MBP: variants seen among roughly 807,000 people sequenced by gnomAD.
MBP encodes the protein Golli-MBP.
MBP carries 16 observed loss-of-function variants against 35.8 expected under a neutral mutation model. The ratio of observed to expected loss-of-function variants is 0.45; its 90% confidence interval spans 0.30 to 0.68. MBP has a LOEUF of 0.68. Ranked by LOEUF, MBP falls within the 30% of genes least tolerant of loss-of-function variation. The probability of loss-of-function intolerance (pLI) is 0.08; values close to 1 mark genes in which losing one functional copy is unlikely to be tolerated. For missense variants in MBP, 380 were observed against 404.7 expected (o/e 0.94, Z 0.52); for synonymous variants, 143 against 159.6 (o/e 0.90, Z 0.78).
intron 3 of MBP, among the ~76,000 whole-genome samples, chr18:77,023,852 C>T (rs903380767): frequency 2.6e-5 from 4 of 152,204 alleles, no homozygotes; most frequent in Non-Finnish European, 4.4e-5. Flanking sequence ...CTAATCGCCT[C>T]ATATTTGCTT....
chr18:77,069,459 G>A (rs181672228), intron 2 of MBP, among the ~76,000 whole-genome samples: 13 of 152,244 alleles, frequency 8.5e-5, no homozygotes, highest in Admixed American at 5.2e-4. Flanking sequence ...TTCAGCTACC[G>A]TCGTTATTGA....
Position 77,044,147 on chromosome 18 carries a change from G to A in MBP, c.139+22151C>T, listed in dbSNP as rs138118393. Among the ~76,000 whole-genome samples the A allele has an allele frequency of 1.0e-3, 158 of 152,182 alleles. No individual in the cohort carries two copies. Among genetic ancestry groups the A allele is most frequent in the African/African-American group, 3.6e-3 (149 of 41,496 alleles). Reference sequence around the variant, plus strand: ...CACACTGGGCTGGTCTGCAGAGGTCGAATGCACTCCCTGGTGACTTACACA... The same window carrying A: ...CACACTGGGCTGGTCTGCAGAGGTCAAATGCACTCCCTGGTGACTTACACA... On this transcript the variant is annotated intron_variant, in intron 3 of 8. Transcript: ENST00000355994. The surrounding 1 kb of genome is among the most constrained non-coding windows in gnomAD (Gnocchi z 4.4).
Position 77,058,008 on chromosome 18 carries a change from T to TG in MBP, c.139+8289_139+8290insC, listed in dbSNP as rs1353184519. 2.8e-5 allele frequency among the ~76,000 whole-genome samples: 2 copies of TG among 70,424 alleles called. 1 individual carries two copies. The highest frequency in any genetic ancestry group is 5.1e-5 in the Non-Finnish European group (2 of 39,440). The allele number at this position is 70,424 out of a possible 152,430, so 46.2% of individuals were successfully genotyped here. On this transcript the variant is annotated intron_variant, in intron 3 of 8. Coordinates refer to ENST00000355994, the MANE Select transcript of MBP (RefSeq NM_001025101.2). ...CGCCCGGCTAATTTTTTGTATTTTT[T>TG]TTTTTAATAGAGACGGGGTTTCACC... is the stretch of plus-strand genomic sequence containing the variant.
chr18:77,105,334 G>A (rs891494365), intron 1 of MBP, 48 bp from the exon 2 acceptor site: 2 of 1,188,340 alleles, frequency 1.7e-6, no homozygotes, highest in African/African-American at 3.0e-5. Context: ...TGCTCTTAGA[G>A]TTTTCGATGT....
chr18:77,124,068 G>A (rs1976967699), intron 1 of MBP, among the ~76,000 whole-genome samples: 1 of 152,156 alleles, frequency 6.6e-6, no homozygotes, highest in African/African-American at 2.4e-5. Flanking sequence ...CCTGGAAGGA[G>A]CAGGGCTCTC....
At chr18:77,069,215 T>G (rs1322374190) in intron 2 of MBP, among the ~76,000 whole-genome samples, 1 of 152,170 alleles carries the variant, frequency 6.6e-6, no homozygotes, top group Non-Finnish European at 1.5e-5. Flanking sequence ...TAAAATGGAT[T>G]GTTTCTGTTT....
intron 3 of MBP, among the ~76,000 whole-genome samples, chr18:77,034,051 CAAAAAAAA>C (rs398033591): frequency 5.7e-5 from 4 of 70,538 alleles, no homozygotes; most frequent in Middle Eastern, 0.013. Context: ...CCTAATGGGG[CAAAAAAAA>C]AAAAAAAAAA....
At chr18:77,027,202 A>G (rs1010306724) in intron 3 of MBP, among the ~76,000 whole-genome samples, 1 of 152,246 alleles carries the variant, frequency 6.6e-6, no homozygotes, top group Non-Finnish European at 1.5e-5. Flanking sequence ...TTAAAAAAAA[A>G]GCAGACAACT....
In MBP at chr18:77,069,886, T is replaced by G. The variant is rs189888591; in HGVS notation, c.52-3501A>C. On this transcript the variant is annotated intron_variant, in intron 2 of 8. Coordinates refer to ENST00000355994, the MANE Select transcript of MBP (RefSeq NM_001025101.2). ...CAGACAGGACTCCAAATCCGCCTTTTTCTCCACCTTCTCAACTCAGTTCTC... is the reference window on the plus strand; with the variant it reads ...CAGACAGGACTCCAAATCCGCCTTTGTCTCCACCTTCTCAACTCAGTTCTC... Among the ~76,000 whole-genome samples, 106 of 152,300 alleles carry G rather than the reference T, an allele frequency of 7.0e-4. 2 individuals carry two copies. In the East Asian group the frequency reaches 0.019, roughly 27 times the overall value.
Position 77,002,514 on chromosome 18 carries a change from C to T in MBP, c.577-12454G>A, listed in dbSNP as rs202110515. 2.0e-5 allele frequency among the ~76,000 whole-genome samples: 3 copies of T among 152,078 alleles called. No homozygotes were observed. In the South Asian group the frequency reaches 6.2e-4, roughly 32 times the overall value. ...GAATGTACATGTTTTCCCTGTGTCC[C>T]CAAAAGGATTCAATGCAAAGCCAGA... On this transcript the variant is annotated intron_variant, in intron 4 of 8. Coordinates refer to ENST00000355994, the MANE Select transcript of MBP (RefSeq NM_001025101.2).
intron 3 of MBP, among the ~76,000 whole-genome samples, chr18:77,054,096 C>A (rs187955989): frequency 6.6e-6 from 1 of 152,228 alleles, no homozygotes; most frequent in Non-Finnish European, 1.5e-5. Flanking sequence ...GCTGTCCTCC[C>A]GGTCCCTCCC....
intron 4 of MBP, among the ~76,000 whole-genome samples, chr18:76,995,367 G>A (rs1970211834): frequency 2.6e-5 from 4 of 152,174 alleles, no homozygotes; most frequent in Admixed American, 2.6e-4. Flanking sequence ...ATCCGAGGGA[G>A]CAAAAATAGC....
chr18:77,089,252 G>C (rs971904698), intron 2 of MBP, among the ~76,000 whole-genome samples: 1 of 152,252 alleles, frequency 6.6e-6, no homozygotes, highest in Non-Finnish European at 1.5e-5. Context: ...TCCCTCCCTC[G>C]GGCTGTGAGT....
chr18:77,041,686 C>T (rs1365151429), intron 3 of MBP, among the ~76,000 whole-genome samples: 1 of 149,258 alleles, frequency 6.7e-6, no homozygotes, highest in Admixed American at 6.8e-5. Flanking sequence ...GCACAAAAAA[C>T]CAAACACCGC....
intron 2 of MBP, among the ~76,000 whole-genome samples, chr18:77,073,360 C>T (rs1431654053): frequency 1.3e-5 from 2 of 152,196 alleles, no homozygotes; most frequent in African/African-American, 4.8e-5. Flanking sequence ...TTTGTGGATG[C>T]TCATGAAGGA....
intron 2 of MBP, among the ~76,000 whole-genome samples, chr18:77,081,374 A>C (rs1352124649): frequency 6.6e-6 from 1 of 152,236 alleles, no homozygotes; most frequent in Non-Finnish European, 1.5e-5. Flanking sequence ...CAAAAACCCA[A>C]GTTCGAAAGA....
intron 4 of MBP, among the ~76,000 whole-genome samples, chr18:77,011,430 AAAG>A (rs1238580490): frequency 2.0e-5 from 3 of 152,154 alleles, no homozygotes; most frequent in African/African-American, 2.4e-5. Context: ...TCTTCTTCAC[AAAG>A]AAGATCATCA....
intron 4 of MBP, among the ~76,000 whole-genome samples, chr18:77,002,134 T>C (rs1006522206): frequency 2.6e-5 from 4 of 152,190 alleles, no homozygotes; most frequent in Admixed American, 6.5e-5. Context: ...GTTGGCTCCA[T>C]GTGGAGTTGC....
chr18:77,083,575 T>G (rs920915274), intron 2 of MBP, among the ~76,000 whole-genome samples: 3 of 152,166 alleles, frequency 2.0e-5, no homozygotes, highest in Admixed American at 6.5e-5. Context: ...GCCAAAAAAG[T>G]ATAAACACAA....
Sources: gnomAD v4.1 joint callset for allele counts (sites outside exome capture counted in the v4.1 genomes callset) on GRCh38, gnomAD v4.1.1 for gene constraint, Gnocchi (gnomAD v3.1) non-coding constraint, MANE v1.5 for transcripts, NCBI Gene and HGNC (gene_info 2026-07-23, HGNC 2026-07-21) for gene names.